Variants in WNT16 observed in about 807,000 individuals in gnomAD.
WNT16 encodes Wnt family member 16, also known as protein Wnt-16.
Under a neutral mutation model 35.4 loss-of-function variants are expected in WNT16, and 20 were observed. The observed-to-expected ratio is 0.56, with a 90% CI of 0.40 to 0.82. The LOEUF is 0.82. Ranked by LOEUF, WNT16 falls within the 40% of genes least tolerant of loss-of-function variation. The pLI is 0.00. For synonymous variants in WNT16, 180 were observed against 179.2 expected (o/e 1.00, Z -0.03); for missense variants, 461 against 466.0 (o/e 0.99, Z 0.10).
At chr7:121,325,572 C>A, upstream of WNT16, 3 of 1,307,808 alleles carry the variant, frequency 2.3e-6, no homozygotes, top group Admixed American at 2.5e-5. Context: ...CCATAGACAC[C>A]AGTAAAAAAT....
At chr7:121,335,872 G>A (rs2116841015) in intron 3 of WNT16, among the ~76,000 whole-genome samples, 1 of 152,024 alleles carries the variant, frequency 6.6e-6, no homozygotes, top group Middle Eastern at 3.4e-3. Context: ...ATAAGTACCT[G>A]CTTATTAACT....
At position 121,329,210 on chromosome 7, in the gene WNT16, A is replaced by C; in HGVS notation, c.-83A>C. On this transcript the variant is annotated 5_prime_UTR_variant, in exon 1 of 4. Coordinates refer to ENST00000222462, the MANE Select transcript of WNT16 (RefSeq NM_057168.2). Reference sequence around the variant, plus strand: ...AGGGCGAGGGATAACTTGGTGCTGGACAACTGACCTGCGGCCCGAAGGGCC... The same window carrying C: ...AGGGCGAGGGATAACTTGGTGCTGGCCAACTGACCTGCGGCCCGAAGGGCC... 6.9e-7 allele frequency: 1 copy of C among 1,453,708 alleles called. No individual in the cohort carries two copies. The highest frequency in any genetic ancestry group is 9.0e-7 in the Non-Finnish European group (1 of 1,105,536). 90.1% of individuals were successfully genotyped at this position (1,453,708 alleles called of 1,614,324 possible). A position where few individuals can be genotyped will look rare whatever the true frequency, so the allele number is the denominator to read the frequency against.
At chr7:121,327,177 T>C (rs1793258711), upstream of WNT16, among the ~76,000 whole-genome samples, 1 of 152,140 alleles carries the variant, frequency 6.6e-6, no homozygotes, top group African/African-American at 2.4e-5. Flanking sequence ...CTACATCCTA[T>C]CATCAACTTG....
In WNT16 at chr7:121,340,422, T is replaced by C. The variant is rs1793513669; in HGVS notation, c.*1077T>C. ...ATTTTTTTTCATACTATTAATGCTATTTTTTTGGACATCGAAGAGAATTTA... is the reference window on the plus strand; with the variant it reads ...ATTTTTTTTCATACTATTAATGCTACTTTTTTGGACATCGAAGAGAATTTA... On this transcript the variant is annotated 3_prime_UTR_variant, in exon 4 of 4. Transcript: ENST00000222462. 6.6e-6 allele frequency: 1 copy of C among 152,078 alleles called. No individual in the cohort carries two copies. Among genetic ancestry groups the C allele is most frequent in the Non-Finnish European group, 1.5e-5 (1 of 67,978 alleles). The allele number at this position is 152,078 out of a possible 1,614,324, so 9.4% of individuals were successfully genotyped here. A position where few individuals can be genotyped will look rare whatever the true frequency, so the allele number is the denominator to read the frequency against.
At chr7:121,328,992 G>C (rs1453475775), upstream of WNT16, 1 of 1,157,002 alleles carries the variant, frequency 8.6e-7, no homozygotes, top group African/African-American at 1.6e-5. Context: ...TGGAGACGCG[G>C]ATACATCAAC....
rs1491518115 is a variant in WNT16, at chr7:121,340,851, TTA to T, written c.*1508_*1509del. The T allele has an allele frequency of 6.6e-5, 10 of 152,276 alleles. No individual in the cohort carries two copies. Among genetic ancestry groups the T allele is most frequent in the African/African-American group, 2.4e-4 (10 of 41,570 alleles). 9.4% of individuals were successfully genotyped at this position (152,276 alleles called of 1,614,324 possible). A position where few individuals can be genotyped will look rare whatever the true frequency, so the allele number is the denominator to read the frequency against. ...TAAGGATGTATTTTAATGTAAATGC[TTA>T]TGTTTTTTATGAATTGTTAAATATT... On this transcript the variant is annotated 3_prime_UTR_variant, in exon 4 of 4. Transcript: ENST00000222462.
At chr7:121,336,334 T>A (rs73720406) in intron 3 of WNT16, among the ~76,000 whole-genome samples, 6,367 of 152,074 alleles carry the variant, frequency 0.042, 284 homozygotes, top group South Asian at 0.14. Flanking sequence ...AGATATTATT[T>A]CTTTTATTAT....
In WNT16 at chr7:121,331,558, G is replaced by A. The variant is rs562296755; in HGVS notation, c.347-120G>A. On this transcript the variant is annotated intron_variant, in intron 2 of 3. Transcript: ENST00000222462. ...CCTTTCTAAATATGTACTCGTTAAC[G>A]CATCCATTGTAAGCAACTGAAAAAT... The A allele has an allele frequency of 7.1e-5, 58 of 818,230 alleles. No homozygotes were observed. The African/African-American group carries it at 8.4e-4, about 12-fold the overall frequency. The allele number at this position is 818,230 out of a possible 1,614,324, so 50.7% of individuals were successfully genotyped here. A position where few individuals can be genotyped will look rare whatever the true frequency, so the allele number is the denominator to read the frequency against.
At chr7:121,335,980 T>G (rs1225282665) in intron 3 of WNT16, among the ~76,000 whole-genome samples, 1 of 141,674 alleles carries the variant, frequency 7.1e-6, no homozygotes. Flanking sequence ...TCTGTAGAAT[T>G]AAACTTTGTG....
At chr7:121,332,070 G>A (rs1206585662) in intron 3 of WNT16, 106 bp downstream of exon 3, 1 of 1,346,436 alleles carries the variant, frequency 7.4e-7, no homozygotes, top group Non-Finnish European at 1.0e-6. Flanking sequence ...CCAAACACTG[G>A]CAGCCCTCAA....
At chr7:121,335,597 A>G (rs1166133537) in intron 3 of WNT16, among the ~76,000 whole-genome samples, 1 of 152,120 alleles carries the variant, frequency 6.6e-6, no homozygotes, top group African/African-American at 2.4e-5. Context: ...TGTTCCTGTT[A>G]ACAGAAAATT....
chr7:121,331,192 CGT>C lies in WNT16; in HGVS notation c.347-485_347-484del, dbSNP rs532318415. Among the ~76,000 whole-genome samples, 13 of 152,244 alleles carry C rather than the reference CGT, an allele frequency of 8.5e-5. No homozygotes were observed. In the East Asian group the frequency reaches 2.5e-3, roughly 29 times the overall value. On this transcript the variant is annotated intron_variant, in intron 2 of 3. Transcript: ENST00000222462. Reference sequence around the variant, plus strand: ...CTTAATTTTAATTTTCATTCTGACACGTATTATTTATGCAAACAAAAATCACA... The same window carrying C: ...CTTAATTTTAATTTTCATTCTGACACATTATTTATGCAAACAAAAATCACA...
chr7:121,334,710 C>T (rs1413155332), intron 3 of WNT16, among the ~76,000 whole-genome samples: 2 of 152,082 alleles, frequency 1.3e-5, no homozygotes. Flanking sequence ...TTTCTGACAC[C>T]ATTCCTAAAC....
At chr7:121,335,735 T>G (rs891857959) in intron 3 of WNT16, among the ~76,000 whole-genome samples, 1 of 152,110 alleles carries the variant, frequency 6.6e-6, no homozygotes, top group Non-Finnish European at 1.5e-5. Context: ...CATTTTCCAC[T>G]TTTATTTTTC....
At chr7:121,325,420 A>G, upstream of WNT16, 1 of 1,613,840 alleles carries the variant, frequency 6.2e-7, no homozygotes, top group South Asian at 1.1e-5. Flanking sequence ...GCACCCATGC[A>G]GCTCACCACT....
intron 2 of WNT16, among the ~76,000 whole-genome samples, chr7:121,330,120 G>T (rs764703340): frequency 5.2e-4 from 79 of 152,242 alleles, no homozygotes; most frequent in Admixed American, 5.2e-3. Context: ...CGACCCCCTC[G>T]GACCCCGTAG....
intron 3 of WNT16, among the ~76,000 whole-genome samples, chr7:121,334,181 G>A (rs1793398503): frequency 6.6e-6 from 1 of 151,946 alleles, no homozygotes; most frequent in Non-Finnish European, 1.5e-5. Flanking sequence ...TACATTTTGT[G>A]TAAATCTCTG....
At chr7:121,334,436 G>C (rs1793404113) in intron 3 of WNT16, among the ~76,000 whole-genome samples, 2 of 151,990 alleles carry the variant, frequency 1.3e-5, no homozygotes, top group African/African-American at 4.8e-5. Context: ...CCATAAAAGA[G>C]GTTTCCTGGT....
chr7:121,325,958 T>A (rs1431555255), upstream of WNT16, among the ~76,000 whole-genome samples: 1 of 147,392 alleles, frequency 6.8e-6, no homozygotes, highest in Non-Finnish European at 1.5e-5. Flanking sequence ...GAGGATCGCT[T>A]GTGCCTGGGA....
Sources: allele counts gnomAD v4.1 joint callset (sites outside exome capture counted in the v4.1 genomes callset), GRCh38; gene constraint gnomAD v4.1.1; transcripts MANE v1.5; gene names NCBI Gene and HGNC (gene_info 2026-07-23, HGNC 2026-07-21).